KCNIP1: variants seen among roughly 807,000 people sequenced by gnomAD.
The protein encoded by KCNIP1 is potassium voltage-gated channel interacting protein 1, also known as A-type potassium channel modulatory protein KCNIP1.
KCNIP1 carries 18 observed loss-of-function variants against 33.0 expected under a neutral mutation model. That is an observed-to-expected ratio of 0.55 (90% CI 0.38 to 0.81). The LOEUF is 0.81. Among genes scored for constraint, KCNIP1 ranks in the 30% least tolerant of loss-of-function variants. KCNIP1 has a pLI of 0.00. For synonymous variants in KCNIP1, 93 were observed against 98.3 expected (o/e 0.95, Z 0.32); for missense variants, 238 against 271.6 (o/e 0.88, Z 0.87).
At chr5:170,722,213 T>A (rs1763849607) in intron 4 of KCNIP1, among the ~76,000 whole-genome samples, 1 of 152,150 alleles carries the variant, frequency 6.6e-6, no homozygotes, top group African/African-American at 2.4e-5. Context: ...ATTCCCACAA[T>A]AACCCTATAG....
chr5:170,689,338 T>C (rs1337937113), intron 1 of KCNIP1, among the ~76,000 whole-genome samples: 2 of 152,044 alleles, frequency 1.3e-5, no homozygotes, highest in South Asian at 2.1e-4. Context: ...CAATATGGAG[T>C]AATAATACCT....
intron 1 of KCNIP1, among the ~76,000 whole-genome samples, chr5:170,661,166 G>C (rs1003794714): frequency 6.6e-6 from 1 of 152,204 alleles, no homozygotes; most frequent in Non-Finnish European, 1.5e-5. Context: ...TGATGGCATG[G>C]GTCTGGAGCT....
chr5:170,481,902 A>G (rs1463599491), intron 1 of KCNIP1, among the ~76,000 whole-genome samples: 1 of 152,232 alleles, frequency 6.6e-6, no homozygotes, highest in Non-Finnish European at 1.5e-5. Flanking sequence ...TCATATCAGA[A>G]CTGAAATCAT....
intron 1 of KCNIP1, among the ~76,000 whole-genome samples, chr5:170,536,183 G>T (rs1270424818): frequency 1.3e-5 from 2 of 152,236 alleles, no homozygotes; most frequent in African/African-American, 4.8e-5. Flanking sequence ...GGGTCACACA[G>T]CAAGTTAGAG....
intron 1 of KCNIP1, among the ~76,000 whole-genome samples, chr5:170,426,830 C>T (rs146115541): frequency 1.3e-5 from 2 of 152,386 alleles, no homozygotes; most frequent in African/African-American, 4.8e-5. Flanking sequence ...TGAGAGCCCG[C>T]CTCCCCTACC....
intron 1 of KCNIP1, among the ~76,000 whole-genome samples, chr5:170,710,830 C>T (rs1038898981): frequency 6.6e-6 from 1 of 152,202 alleles, no homozygotes; most frequent in African/African-American, 2.4e-5. Context: ...TGAATTATCA[C>T]CTCCCTTGAA....
chr5:170,626,596 C>T (rs1197232512), intron 1 of KCNIP1, among the ~76,000 whole-genome samples: 1 of 152,166 alleles, frequency 6.6e-6, no homozygotes, highest in Non-Finnish European at 1.5e-5. Context: ...AGAGACATTA[C>T]TCCAAGGGTG....
intron 1 of KCNIP1, among the ~76,000 whole-genome samples, chr5:170,462,732 A>C (rs1581214975): frequency 6.6e-6 from 1 of 152,306 alleles, no homozygotes; most frequent in Non-Finnish European, 1.5e-5. Flanking sequence ...AACCAGCCCA[A>C]ATGCACATAA....
intron 1 of KCNIP1, among the ~76,000 whole-genome samples, chr5:170,691,006 T>G (rs1762699512): frequency 6.6e-6 from 1 of 152,248 alleles, no homozygotes; most frequent in African/African-American, 2.4e-5. Context: ...CTTAAAGCCT[T>G]TATGCTTCAT....
At chr5:170,590,244 A>G (rs1286251112) in intron 1 of KCNIP1, among the ~76,000 whole-genome samples, 1 of 152,142 alleles carries the variant, frequency 6.6e-6, no homozygotes, top group Admixed American at 6.5e-5. Context: ...ATTCCAGAGT[A>G]TCTGGATACC....
chr5:170,557,110 CACTT>C (rs1422530301), intron 1 of KCNIP1, among the ~76,000 whole-genome samples: 1 of 152,174 alleles, frequency 6.6e-6, no homozygotes, highest in Admixed American at 6.5e-5. Flanking sequence ...CCAGCTCTGC[CACTT>C]ACTAACTGTG....
At chr5:170,644,323 G>C (rs895536629) in intron 1 of KCNIP1, among the ~76,000 whole-genome samples, 1 of 152,252 alleles carries the variant, frequency 6.6e-6, no homozygotes, top group Non-Finnish European at 1.5e-5. Flanking sequence ...GCAGTCAGCA[G>C]CCGAGTGCGG....
intron 1 of KCNIP1, among the ~76,000 whole-genome samples, chr5:170,449,101 T>A (rs1253123125): frequency 6.6e-6 from 1 of 152,224 alleles, no homozygotes; most frequent in Non-Finnish European, 1.5e-5. Flanking sequence ...CTCTCCTGTC[T>A]CATCTGCACA....
At chr5:170,401,107 G>A (rs372995773) in intron 1 of KCNIP1, among the ~76,000 whole-genome samples, 14 of 152,078 alleles carry the variant, frequency 9.2e-5, no homozygotes, top group Non-Finnish European at 4.4e-5. Flanking sequence ...CTCCTAACAC[G>A]CCTTGCTAAT....
intron 1 of KCNIP1, among the ~76,000 whole-genome samples, chr5:170,432,757 T>G (rs2113449372): frequency 6.6e-6 from 1 of 152,352 alleles, no homozygotes; most frequent in African/African-American, 2.4e-5. Context: ...ATTTTGTTAT[T>G]ATATCCTCGC....
rs1253323607 is a variant in KCNIP1 at position 170,444,492 on chromosome 5, C to A, written c.88+90528C>A. 3.3e-5 allele frequency among the ~76,000 whole-genome samples: 5 copies of A among 152,114 alleles called. No homozygotes were observed. In the East Asian group the frequency reaches 7.7e-4, roughly 23 times the overall value. On this transcript the variant is annotated intron_variant, in intron 1 of 7. Transcript: ENST00000377360. Reference sequence around the variant, plus strand: ...AGCTGATTGACAACCTTAATCCCATCCACAACCTCTGTGACCCTCTGCCAT... The same window carrying A: ...AGCTGATTGACAACCTTAATCCCATACACAACCTCTGTGACCCTCTGCCAT...
chr5:170,409,045 C>T (rs568573187), intron 1 of KCNIP1, among the ~76,000 whole-genome samples: 9 of 152,234 alleles, frequency 5.9e-5, no homozygotes, highest in East Asian at 1.9e-4. Context: ...AGGGGCAGTA[C>T]GGGGAGAGGC....
At chr5:170,635,443 G>C (rs1760244555) in intron 1 of KCNIP1, among the ~76,000 whole-genome samples, 1 of 152,132 alleles carries the variant, frequency 6.6e-6, no homozygotes, top group African/African-American at 2.4e-5. Context: ...GTCCAAGGTA[G>C]CTCTCCACCC....
intron 1 of KCNIP1, among the ~76,000 whole-genome samples, chr5:170,397,504 A>G (rs1053782570): frequency 1.5e-5 from 2 of 129,618 alleles, no homozygotes; most frequent in Admixed American, 7.7e-5. Flanking sequence ...CTCCCTGCAA[A>G]TCCCCCAGAA....
Sources: gnomAD v4.1 joint callset for allele counts (sites outside exome capture counted in the v4.1 genomes callset) on GRCh38, gnomAD v4.1.1 for gene constraint, MANE v1.5 for transcripts, NCBI Gene and HGNC (gene_info 2026-07-23, HGNC 2026-07-21) for gene names.